The following ZNG1E variants were observed in gnomAD, a reference collection of about 807,000 sequenced individuals.
The protein encoded by ZNG1E is zinc-regulated GTPase metalloprotein activator 1E.
the ZNG1E span, among the ~76,000 whole-genome samples, chr9:65,680,684 A>G: frequency 6.6e-6 from 1 of 152,276 alleles, no homozygotes. Context: ...TTAGAGGAAA[A>G]GTAAAACATT....
At chr9:65,717,651 C>G in the ZNG1E span, among the ~76,000 whole-genome samples, 2 of 149,320 alleles carry the variant, frequency 1.3e-5, no homozygotes, top group East Asian at 1.9e-4. Context: ...ACAAGGGGAA[C>G]AAATGAAACA....
chr9:65,714,558 T>G, the ZNG1E span, among the ~76,000 whole-genome samples: 1 of 151,904 alleles, frequency 6.6e-6, no homozygotes, highest in Non-Finnish European at 1.5e-5. Context: ...ACAGATGGGT[T>G]TTTGGTGTGG....
the ZNG1E span, among the ~76,000 whole-genome samples, chr9:65,659,983 T>G: frequency 0.013 from 1,832 of 145,062 alleles, no homozygotes; most frequent in African/African-American, 0.047. Flanking sequence ...TCTCAAAGAG[T>G]TCACTCGATG....
At chr9:65,709,430 C>G in the ZNG1E span, among the ~76,000 whole-genome samples, 10 of 140,634 alleles carry the variant, frequency 7.1e-5, no homozygotes, top group South Asian at 6.7e-4. Context: ...TATACATGTG[C>G]CATGCTGGTG....
the ZNG1E span, among the ~76,000 whole-genome samples, chr9:65,672,449 TAA>T: frequency 4.2e-5 from 6 of 143,052 alleles, no homozygotes; most frequent in Admixed American, 7.0e-5. Flanking sequence ...TCTTATAAGT[TAA>T]AAAAAAAAAA....
chr9:65,665,044 C>G, the ZNG1E span, among the ~76,000 whole-genome samples: 2 of 152,250 alleles, frequency 1.3e-5, no homozygotes, highest in Non-Finnish European at 2.9e-5. Context: ...ATAAGGGAAG[C>G]AGAGCACAAA....
At chr9:65,722,697 A>ATTTTTTTTTTTT in the ZNG1E span, among the ~76,000 whole-genome samples, 58 of 8,404 alleles carry the variant, frequency 6.9e-3, 14 homozygotes, top group Non-Finnish European at 9.0e-3. Flanking sequence ...TGCCTAGCTA[A>ATTTTTTTTTTTT]TTTTTTTTTT....
At chr9:65,688,181 TAATTATTA>T in the ZNG1E span, among the ~76,000 whole-genome samples, 77 of 148,464 alleles carry the variant, frequency 5.2e-4, no homozygotes, top group African/African-American at 1.9e-3. Flanking sequence ...GTTAAGTCAT[TAATTATTA>T]ATTAATTGGT....
the ZNG1E span, among the ~76,000 whole-genome samples, chr9:65,725,826 AG>A: frequency 2.9e-5 from 2 of 67,870 alleles, no homozygotes; most frequent in Non-Finnish European, 5.3e-5. Context: ...GTAACAGTGG[AG>A]ATTAAATATC....
the ZNG1E span, among the ~76,000 whole-genome samples, chr9:65,695,991 A>G: frequency 6.6e-6 from 1 of 150,428 alleles, no homozygotes; most frequent in African/African-American, 2.4e-5. Flanking sequence ...ATAGAATGCC[A>G]AACTTTCCAT....
the ZNG1E span, among the ~76,000 whole-genome samples, chr9:65,672,511 T>C: frequency 6.6e-6 from 1 of 150,574 alleles, no homozygotes. Flanking sequence ...TTTAGGAGGC[T>C]AAGGTGGATG....
the ZNG1E span, among the ~76,000 whole-genome samples, chr9:65,663,791 T>A: frequency 2.0e-5 from 3 of 150,074 alleles, no homozygotes. Flanking sequence ...TTAAAAATAA[T>A]TTTATATGCC....
At chr9:65,658,189 C>T in the ZNG1E span, among the ~76,000 whole-genome samples, 1 of 150,294 alleles carries the variant, frequency 6.7e-6, no homozygotes, top group Admixed American at 6.6e-5. Context: ...TCAATTGATT[C>T]ACAACTTTAA....
the ZNG1E span, among the ~76,000 whole-genome samples, chr9:65,665,513 A>G: frequency 1.3e-5 from 2 of 152,162 alleles, no homozygotes; most frequent in Non-Finnish European, 2.9e-5. Flanking sequence ...TGGGTCCCTC[A>G]TGGAGAACCT....
the ZNG1E span, among the ~76,000 whole-genome samples, chr9:65,678,437 T>C: frequency 7.1e-6 from 1 of 139,972 alleles, no homozygotes; most frequent in South Asian, 2.3e-4. Flanking sequence ...GATCTAGTTA[T>C]ATACTAGAAA....
At chr9:65,720,120 T>C in the ZNG1E span, 2 of 1,593,108 alleles carry the variant, frequency 1.3e-6, 1 homozygote, top group Non-Finnish European at 1.7e-6. Context: ...AAATCTAAAA[T>C]TCCTAATCAA....
At chr9:65,686,026 GA>G in the ZNG1E span, among the ~76,000 whole-genome samples, 1 of 140,586 alleles carries the variant, frequency 7.1e-6, no homozygotes, top group Non-Finnish European at 1.5e-5. Flanking sequence ...TATTTTGAAG[GA>G]ATCTTTTTTT....
chr9:65,664,758 C>A, the ZNG1E span, among the ~76,000 whole-genome samples: 5 of 152,162 alleles, frequency 3.3e-5, no homozygotes, highest in African/African-American at 1.2e-4. Context: ...TCCTAGAGAC[C>A]TGTTGAACGA....
the ZNG1E span, chr9:65,701,002 C>G: frequency 7.8e-6 from 1 of 127,546 alleles, no homozygotes; most frequent in East Asian, 2.1e-4. Flanking sequence ...GCTGACTGTT[C>G]TGGAGACTCC....
Sources: allele counts gnomAD v4.1 joint callset (sites outside exome capture counted in the v4.1 genomes callset), GRCh38; gene constraint gnomAD v4.1.1; transcripts MANE v1.5; gene names NCBI Gene and HGNC (gene_info 2026-07-23, HGNC 2026-07-21).